The following WDFY2 variants were observed in gnomAD, a reference collection of about 807,000 sequenced individuals.
WDFY2 encodes WD repeat and FYVE domain containing 2, also known as WD repeat and FYVE domain-containing protein 2.
WDFY2 carries 36 observed loss-of-function variants against 56.4 expected under a neutral mutation model. That is an observed-to-expected ratio of 0.64 (90% CI 0.49 to 0.84). The LOEUF (loss-of-function observed/expected upper bound fraction) is 0.84, where lower values mean the gene tolerates loss of function less well. Among genes scored for constraint, WDFY2 ranks in the 40% least tolerant of loss-of-function variants. WDFY2 has a pLI of 0.00. For synonymous variants in WDFY2, 176 were observed against 183.7 expected, an observed-to-expected ratio of 0.96 and a Z score of 0.34; for missense variants, 444 against 512.2, an observed-to-expected ratio of 0.87 and a Z score of 1.29.
At chr13:51,643,984 T>G (rs1167854674) in intron 1 of WDFY2, among the ~76,000 whole-genome samples, 1 of 152,176 alleles carries the variant, frequency 6.6e-6, no homozygotes, top group Non-Finnish European at 1.5e-5. Flanking sequence ...TAACTAACAT[T>G]GATTAATGTG....
Position 51,748,107 on chromosome 13 carries a change from C to CA in WDFY2, c.726-3202dup, listed in dbSNP as rs200757406. ...TCTCAGTCTTTATCTATAGAGCCCA[C>CA]ATTCCACATCTGCTACTCACTCTGT... On this transcript the variant is annotated intron_variant, in intron 7 of 11. Transcript: ENST00000298125. Among the ~76,000 whole-genome samples, 553 of 152,310 alleles carry CA rather than the reference C, an allele frequency of 3.6e-3. 3 individuals are homozygous for CA. Among genetic ancestry groups the CA allele is most frequent in the African/African-American group, 0.013 (535 of 41,554 alleles).
chr13:51,650,365 G>T (rs956730410), intron 1 of WDFY2, among the ~76,000 whole-genome samples: 31 of 152,166 alleles, frequency 2.0e-4, no homozygotes, highest in Non-Finnish European at 4.0e-4. Context: ...TGCAAACAGG[G>T]ACAGTTTAAC....
chr13:51,633,486 T>G (rs1401436945), intron 1 of WDFY2, among the ~76,000 whole-genome samples: 2 of 152,226 alleles, frequency 1.3e-5, no homozygotes, highest in African/African-American at 4.8e-5. Flanking sequence ...TGGATCTAAA[T>G]AATTGATGAA....
At chr13:51,745,738 T>TAAAA (rs34880965) in intron 7 of WDFY2, among the ~76,000 whole-genome samples, 2 of 86,336 alleles carry the variant, frequency 2.3e-5, no homozygotes, top group African/African-American at 8.9e-5. Flanking sequence ...ATCCTTCATT[T>TAAAA]AAAAAAAAAA....
At chr13:51,633,304 G>C (rs1239546091) in intron 1 of WDFY2, among the ~76,000 whole-genome samples, 1 of 152,238 alleles carries the variant, frequency 6.6e-6, no homozygotes, top group African/African-American at 2.4e-5. Flanking sequence ...ATGTGTAGTG[G>C]AGTGATTAAG....
At chr13:51,585,060 G>A (rs1363032702) in intron 1 of WDFY2, among the ~76,000 whole-genome samples, 2 of 152,266 alleles carry the variant, frequency 1.3e-5, no homozygotes, top group African/African-American at 4.8e-5. Flanking sequence ...GGGCTGGGTA[G>A]TGCCTGCGGG....
At chr13:51,675,985 G>A (rs1019383598) in intron 3 of WDFY2, among the ~76,000 whole-genome samples, 15 of 152,132 alleles carry the variant, frequency 9.9e-5, no homozygotes, top group African/African-American at 3.4e-4. Context: ...TCCTGGGCGA[G>A]AGAAGCCCTG....
chr13:51,640,713 G>T (rs1319152592), intron 1 of WDFY2, among the ~76,000 whole-genome samples: 1 of 151,880 alleles, frequency 6.6e-6, no homozygotes, highest in Admixed American at 6.6e-5. Context: ...AGCTGGGTGT[G>T]GTGGTGGGTG....
intron 1 of WDFY2, among the ~76,000 whole-genome samples, chr13:51,609,510 T>G (rs1327859839): frequency 6.6e-6 from 1 of 151,792 alleles, no homozygotes; most frequent in Non-Finnish European, 1.5e-5. Context: ...CAACCCTCTC[T>G]GCAAGACTGT....
rs1399868222 is a variant in WDFY2, at chr13:51,766,460, G to C, written c.*6691G>C. On this transcript the variant is annotated 3_prime_UTR_variant, in exon 12 of 12. Transcript: ENST00000298125. ...TTTTAAAGTGAGGAGATTCTTCAGG[G>C]GGTCAGGCTGAGAATGTAATAAGCC... 2 of 152,096 alleles carry C rather than the reference G, an allele frequency of 1.3e-5. No individual in the cohort carries two copies. Among genetic ancestry groups the C allele is most frequent in the Non-Finnish European group, 2.9e-5 (2 of 68,044 alleles). The allele number at this position is 152,096 out of a possible 1,614,324, so 9.4% of individuals were successfully genotyped here. A position where few individuals can be genotyped will look rare whatever the true frequency, so the allele number is the denominator to read the frequency against.
intron 1 of WDFY2, among the ~76,000 whole-genome samples, chr13:51,603,278 C>T (rs930932094): frequency 2.6e-5 from 4 of 152,298 alleles, no homozygotes; most frequent in South Asian, 2.1e-4. Context: ...TTCCTACTAA[C>T]GTTTTTCTTC....
At chr13:51,639,125 T>C (rs1021385877) in intron 1 of WDFY2, among the ~76,000 whole-genome samples, 1 of 152,228 alleles carries the variant, frequency 6.6e-6, no homozygotes, top group African/African-American at 2.4e-5. Flanking sequence ...CAAGAGACTT[T>C]TCTCAACCAA....
intron 4 of WDFY2, among the ~76,000 whole-genome samples, chr13:51,705,135 C>A (rs761463948): frequency 2.0e-5 from 3 of 152,166 alleles, no homozygotes; most frequent in Non-Finnish European, 4.4e-5. Context: ...CTGAGGGAGG[C>A]CTTGTCAACA....
intron 1 of WDFY2, among the ~76,000 whole-genome samples, chr13:51,617,017 A>G (rs1468743649): frequency 1.3e-5 from 2 of 152,214 alleles, no homozygotes; most frequent in Non-Finnish European, 2.9e-5. Context: ...AATGATTCGT[A>G]TATATTTAGG....
At chr13:51,745,973 C>CT (rs59572351) in intron 7 of WDFY2, among the ~76,000 whole-genome samples, 7,818 of 100,812 alleles carry the variant, frequency 0.078, 444 homozygotes, top group Non-Finnish European at 0.1. Context: ...TTTTCTTTTT[C>CT]TTTTTTTTTT....
chr13:51,749,952 T>A (rs1953190929), intron 7 of WDFY2, among the ~76,000 whole-genome samples: 1 of 152,188 alleles, frequency 6.6e-6, no homozygotes, highest in African/African-American at 2.4e-5. Flanking sequence ...ACATTATGTA[T>A]GAGTTCACTT....
chr13:51,722,429 A>G (rs565838529), intron 5 of WDFY2, among the ~76,000 whole-genome samples: 7 of 152,334 alleles, frequency 4.6e-5, no homozygotes, highest in African/African-American at 1.7e-4. Flanking sequence ...TTGACCGAAG[A>G]TCTGAAGCTT....
At chr13:51,757,784 T>A (rs1953443779) in intron 10 of WDFY2, among the ~76,000 whole-genome samples, 1 of 151,768 alleles carries the variant, frequency 6.6e-6, no homozygotes, top group Admixed American at 6.6e-5. Context: ...AGTTTTCCTA[T>A]TAGAATGACA....
At chr13:51,688,398 G>GGGGAGTCA (rs1956096675) in intron 3 of WDFY2, among the ~76,000 whole-genome samples, 1 of 152,132 alleles carries the variant, frequency 6.6e-6, no homozygotes, top group East Asian at 1.9e-4. Flanking sequence ...ACTCTCCTGA[G>GGGGAGTCA]TTTTAATGTC....
Sources: allele counts gnomAD v4.1 joint callset (sites outside exome capture counted in the v4.1 genomes callset), GRCh38; gene constraint gnomAD v4.1.1; transcripts MANE v1.5; gene names NCBI Gene and HGNC (gene_info 2026-07-23, HGNC 2026-07-21).